ANGPTL3: variants seen among roughly 807,000 people sequenced by gnomAD.
The protein encoded by ANGPTL3 is angiopoietin-related protein 3.
A neutral mutation model predicts 52.7 loss-of-function variants in ANGPTL3; 51 were observed. That is an observed-to-expected ratio of 0.97 (90% confidence interval 0.77 to 1.22). The LOEUF is 1.22. Among genes scored for constraint, ANGPTL3 ranks in the 50% most tolerant of loss-of-function variants. The pLI is 0.00. For synonymous variants in ANGPTL3, 185 were observed against 179.8 expected (o/e 1.03, Z -0.23); for missense variants, 506 against 520.7 (o/e 0.97, Z 0.27).
At chr1:62,604,454 A>C in intron 6 of ANGPTL3, 179 bp from the exon 7 acceptor site, 1 of 901,512 alleles carries the variant, frequency 1.1e-6, no homozygotes, top group East Asian at 2.6e-5. Flanking sequence ...TTGGTAGTGT[A>C]TAGATTATTT....
rs1392001419 is a variant in ANGPTL3, at chr1:62,602,179, AC to A, written c.836-105del. On this transcript the variant is annotated intron_variant, in intron 4 of 6. Coordinates refer to ENST00000371129, the MANE Select transcript of ANGPTL3 (RefSeq NM_014495.4). ...AAATGTATTGCCATAACATTAATAA[AC>A]TACCTTACAAAACCACCAATTAAAA... The A allele has an allele frequency of 4.5e-5, 41 of 903,620 alleles. No homozygotes were observed. The Admixed American group carries it at 6.1e-4, about 13-fold the overall frequency. 56.0% of individuals were successfully genotyped at this position (903,620 alleles called of 1,614,324 possible).
At chr1:62,602,664 AT>A (rs1557784665) in intron 5 of ANGPTL3, among the ~76,000 whole-genome samples, 2 of 151,690 alleles carry the variant, frequency 1.3e-5, no homozygotes. Flanking sequence ...ATTAAAGACA[AT>A]TTTGATTAAA....
intron 3 of ANGPTL3, 30 bp from the exon 4 acceptor site, chr1:62,601,739 T>C: frequency 1.4e-6 from 2 of 1,399,424 alleles, no homozygotes; most frequent in East Asian, 4.6e-5. Context: ...TATTACTAAA[T>C]CTGATGTAAT....
intron 5 of ANGPTL3, among the ~76,000 whole-genome samples, chr1:62,602,605 T>C (rs1650316243): frequency 1.3e-5 from 2 of 151,818 alleles, no homozygotes; most frequent in South Asian, 4.1e-4. Context: ...TTCTTAAATA[T>C]ACTTATCACA....
intron 4 of ANGPTL3, 127 bp from the exon 5 acceptor site, chr1:62,602,158 G>A (rs1347832006): frequency 1.2e-5 from 9 of 764,742 alleles, no homozygotes; most frequent in Non-Finnish European, 1.9e-5. Context: ...ATAATAAAAT[G>A]TATTGCCATA....
rs1650759337 is a variant in ANGPTL3, at chr1:62,604,978, C to T, written c.*161C>T. 1.5e-6 allele frequency: 1 copy of T among 680,130 alleles called. No individual in the cohort carries two copies. The highest frequency in any genetic ancestry group is 2.5e-6 in the Non-Finnish European group (1 of 407,528). The allele number at this position is 680,130 out of a possible 1,614,324, so 42.1% of individuals were successfully genotyped here. On this transcript the variant is annotated 3_prime_UTR_variant, in exon 7 of 7. Coordinates refer to ENST00000371129, the MANE Select transcript of ANGPTL3 (RefSeq NM_014495.4). ...TAAGATTAAACATACAATCACATAACCTTAAAGAATACCGTTTACATTTCT... is the reference window on the plus strand; with the variant it reads ...TAAGATTAAACATACAATCACATAATCTTAAAGAATACCGTTTACATTTCT...
Position 62,604,097 on chromosome 1 carries a change from C to T in ANGPTL3, c.1060C>T (p.His354Tyr). 6.2e-7 allele frequency: 1 copy of T among 1,613,246 alleles called. No homozygotes were observed. Among genetic ancestry groups the T allele is most frequent in the Non-Finnish European group, 8.5e-7 (1 of 1,179,442 alleles). ...TGAATATTCTTTTTACTTGGGAAATCACGAAACCAACTATACGCTACATCT... is the reference window on the plus strand; with the variant it reads ...TGAATATTCTTTTTACTTGGGAAATTACGAAACCAACTATACGCTACATCT... Reference protein sequence around the residue: ...YIEYSFYLGNHETNYTLHLVA... With the variant: ...YIEYSFYLGNYETNYTLHLVA... Residue 354 changes from histidine (H) to tyrosine (Y), a missense_variant, in exon 6 of 7, where the codon CAC becomes TAC. Coordinates refer to ENST00000371129, the MANE Select transcript of ANGPTL3 (RefSeq NM_014495.4).
chr1:62,603,918 T>C (rs1333123458), intron 5 of ANGPTL3, 51 bp from the exon 6 acceptor site: 3 of 1,575,228 alleles, frequency 1.9e-6, no homozygotes, highest in Non-Finnish European at 2.6e-6. Flanking sequence ...AAACTGTCAG[T>C]GTCCAACCTG....
intron 2 of ANGPTL3, among the ~76,000 whole-genome samples, chr1:62,599,095 A>T (rs1025064656): frequency 6.6e-6 from 1 of 152,082 alleles, no homozygotes; most frequent in Admixed American, 6.6e-5. Context: ...AAAAAAATTA[A>T]TTCATAGCAG....
At chr1:62,600,783 G>T (rs1401491841) in intron 2 of ANGPTL3, among the ~76,000 whole-genome samples, 2 of 151,652 alleles carry the variant, frequency 1.3e-5, no homozygotes, top group Non-Finnish European at 1.5e-5. Context: ...ATAAATAAAA[G>T]AATACATTAC....
In ANGPTL3 at chr1:62,604,666, A is replaced by G. The variant is rs1440300937; in HGVS notation, c.1232A>G (p.Asn411Ser). ...GWWWHDECGE[N>S]NLNGKYNKPR... is the part of the protein sequence containing the mutation. ...TGGTGGCATGATGAGTGTGGAGAAA[A>G]CAACCTAAATGGTAAATATAACAAA... is the stretch of plus-strand genomic sequence containing the variant. The change falls in exon 7 of 7, where the codon AAC (asparagine) becomes AGC (serine). Residue 411 changes from asparagine (N) to serine (S), a missense_variant. By Grantham distance (46) the Asn-to-Ser change is conservative. Transcript: ENST00000371129. The G allele has an allele frequency of 9.3e-6, 15 of 1,613,158 alleles. No individual in the cohort carries two copies. The highest frequency in any genetic ancestry group is 1.1e-5 in the Non-Finnish European group (13 of 1,179,402).
Position 62,603,225 on chromosome 1 carries a change from C to G in ANGPTL3, c.932-744C>G, listed in dbSNP as rs78261120. On this transcript the variant is annotated intron_variant, in intron 5 of 6. Transcript: ENST00000371129. ...ACTTAATTCTGGTAAGAAAGCAACC[C>G]ATTTGTACTTGTATTTACCAGCAAT... Among the ~76,000 whole-genome samples, 3 of 151,746 alleles carry G rather than the reference C, an allele frequency of 2.0e-5. No individual in the cohort carries two copies. In the East Asian group the frequency reaches 5.8e-4, roughly 29 times the overall value.
At chr1:62,602,215 C>CA (rs1452111619) in intron 4 of ANGPTL3, 70 bp from the exon 5 acceptor site, 1 of 1,261,198 alleles carries the variant, frequency 7.9e-7, no homozygotes, top group Non-Finnish European at 1.1e-6. Flanking sequence ...ATCAAACAAA[C>CA]AAAAAAGTGT....
intron 4 of ANGPTL3, 96 bp downstream of exon 4, chr1:62,601,978 T>C (rs1650195241): frequency 1.1e-5 from 8 of 702,428 alleles, no homozygotes; most frequent in Middle Eastern, 3.2e-4. Flanking sequence ...TATACATATA[T>C]ATATGAAATA....
At position 62,604,793 on chromosome 1, in the gene ANGPTL3, A is replaced by T; in HGVS notation, c.1359A>T (p.Pro453=). ...SIKSTKMLIH[P]TDSESFE ...AATCAACCAAAATGTTGATCCATCC[A>T]ACAGATTCAGAAAGCTTTGAATGAA... The change falls in exon 7 of 7, where the codon CCA becomes CCT. Residue 453 remains proline (P), a synonymous_variant. Transcript: ENST00000371129. The T allele has an allele frequency of 6.2e-7, 1 of 1,613,100 alleles. No homozygotes were observed. The highest frequency in any genetic ancestry group is 8.5e-7 in the Non-Finnish European group (1 of 1,179,310).
In ANGPTL3 at chr1:62,602,387, G is replaced by A. The variant is rs774149887; in HGVS notation, c.931+7G>A. ...GGTTTTGGGAGGCTTGATGGTAAGG[G>A]GACTACATTCAATCATTCATTCACT... On this transcript the variant is annotated splice_region_variant and intron_variant, in intron 5 of 6. Transcript: ENST00000371129. 8 of 1,606,482 alleles carry A rather than the reference G, an allele frequency of 5.0e-6. No individual in the cohort carries two copies. Among genetic ancestry groups the A allele is most frequent in the Non-Finnish European group, 5.1e-6 (6 of 1,173,894 alleles).
In ANGPTL3 at chr1:62,604,692, C is replaced by G. The variant is rs1278621932; in HGVS notation, c.1258C>G (p.Pro420Ala). ...CAACCTAAATGGTAAATATAACAAA[C>G]CAAGAGCAAAATCTAAGCCAGAGAG... ...ENNLNGKYNKPRAKSKPERRR... is the reference protein window; with the variant it reads ...ENNLNGKYNKARAKSKPERRR... The change falls in exon 7 of 7, where the codon CCA (proline) becomes GCA (alanine). Residue 420 changes from proline to alanine, a missense_variant. By Grantham distance (27) the Pro-to-Ala change is conservative (BLOSUM62 -1). Coordinates refer to ENST00000371129, the MANE Select transcript of ANGPTL3 (RefSeq NM_014495.4). The G allele has an allele frequency of 1.2e-6, 2 of 1,613,128 alleles. No homozygotes were observed. The highest frequency in any genetic ancestry group is 1.1e-5 in the South Asian group (1 of 91,056).
intron 5 of ANGPTL3, among the ~76,000 whole-genome samples, chr1:62,603,578 A>C (rs541928935): frequency 2.6e-5 from 4 of 151,820 alleles, no homozygotes; most frequent in Non-Finnish European, 5.9e-5. Flanking sequence ...AGGAATACTT[A>C]ACACATCTCT....
Position 62,604,056 on chromosome 1 carries a change from A to C in ANGPTL3, c.1019A>C (p.Asp340Ala). The change falls in exon 6 of 7, where the codon GAC (aspartate) becomes GCC (alanine). Residue 340 changes from aspartate to alanine, a missense_variant. Physicochemically the swap from Asp to Ala is moderately radical, Grantham distance 126. Transcript: ENST00000371129. ...CGAATTGAGTTGGAAGACTGGAAAG[A>C]CAACAAACATTATATTGAATATTCT... is the stretch of plus-strand genomic sequence containing the variant. Reference protein sequence around the residue: ...VLRIELEDWKDNKHYIEYSFY... With the variant: ...VLRIELEDWKANKHYIEYSFY... 1 of 1,613,262 alleles carries C rather than the reference A, an allele frequency of 6.2e-7. No individual in the cohort carries two copies. Among genetic ancestry groups the C allele is most frequent in the Non-Finnish European group, 8.5e-7 (1 of 1,179,384 alleles).
Sources: gnomAD v4.1 joint callset for allele counts (sites outside exome capture counted in the v4.1 genomes callset) on GRCh38, gnomAD v4.1.1 for gene constraint, MANE v1.5 for transcripts, NCBI Gene and HGNC (gene_info 2026-07-23, HGNC 2026-07-21) for gene names.